Variants in CDH22 observed in about 807,000 individuals in gnomAD.
CDH22 encodes the protein cadherin-22.
Under a neutral mutation model 58.4 loss-of-function variants are expected in CDH22, and 30 were observed. That is an observed-to-expected ratio of 0.51 (90% CI 0.38 to 0.70). CDH22 has a LOEUF of 0.70. CDH22 is among the 30% of genes least tolerant of loss of function. The pLI is 0.00. For missense variants in CDH22, 1,014 were observed against 1,233.9 expected, an observed-to-expected ratio of 0.82 and a Z score of 2.67; for synonymous variants, 513 against 558.2, an observed-to-expected ratio of 0.92 and a Z score of 1.14.
chr20:46,198,592 T>C (rs1232342038), intron 8 of CDH22, among the ~76,000 whole-genome samples: 1 of 152,170 alleles, frequency 6.6e-6, no homozygotes, highest in Admixed American at 6.5e-5. Flanking sequence ...CTCTTCTCAA[T>C]GCAGCTGCCA....
chr20:46,199,766 C>T (rs1260304868), intron 7 of CDH22, among the ~76,000 whole-genome samples: 2 of 152,184 alleles, frequency 1.3e-5, no homozygotes, highest in African/African-American at 4.8e-5. Context: ...ATGGGCAGCC[C>T]TCAACCTTTC....
chr20:46,202,853 G>C (rs2085971938), intron 7 of CDH22, among the ~76,000 whole-genome samples: 1 of 152,218 alleles, frequency 6.6e-6, no homozygotes, highest in African/African-American at 2.4e-5. Flanking sequence ...CTACAGGTTG[G>C]AGGATAGAGG....
At position 46,174,860 on chromosome 20, in the gene CDH22, G is replaced by T; in HGVS notation, c.2133C>A (p.Gly711=). The part of the protein sequence containing the change: ...DGGGSAGGGA[G]GGSGGGAGSP... ...TGCCCGCGCCCCCGCCCGAGCCCCC[G>T]CCCGCTCCCCCGCCCGCGCTGCCGC... is the stretch of plus-strand genomic sequence containing the variant. Residue 711 remains glycine, a synonymous_variant, in exon 12 of 12, where the codon GGC becomes GGA. Transcript: ENST00000537909. This position sits in a 1 kb window ranked among gnomAD's most constrained non-coding sequence, Gnocchi z 4.4. The T allele has an allele frequency of 8.1e-6, 2 of 248,432 alleles. No individual in the cohort carries two copies. Among genetic ancestry groups the T allele is most frequent in the Non-Finnish European group, 6.1e-6 (1 of 164,412 alleles). The allele number at this position is 248,432 out of a possible 1,614,324, so 15.4% of individuals were successfully genotyped here.
At chr20:46,178,345 C>A in intron 10 of CDH22, 148 bp from the exon 11 acceptor site, 2 of 848,756 alleles carry the variant, frequency 2.4e-6, no homozygotes, top group Non-Finnish European at 3.6e-6. Flanking sequence ...TCTCTGATCT[C>A]CCAAAATTCT....
chr20:46,245,705 T>G lies in CDH22; in HGVS notation c.256-4448A>C, dbSNP rs146873977. Among the ~76,000 whole-genome samples, 147 of 152,336 alleles carry G rather than the reference T, an allele frequency of 9.6e-4. 1 individual carries two copies. In the East Asian group the frequency reaches 0.026, roughly 27 times the overall value. ...CAGTCATCAGACTCCCCCAGTTGTC[T>G]TCTAGGATTTCTGGAGGATTCAGCC... On this transcript the variant is annotated intron_variant, in intron 2 of 11. Coordinates refer to ENST00000537909, the MANE Select transcript of CDH22 (RefSeq NM_021248.3).
intron 3 of CDH22, among the ~76,000 whole-genome samples, chr20:46,234,014 C>T (rs1279174193): frequency 6.6e-6 from 1 of 152,222 alleles, no homozygotes; most frequent in Non-Finnish European, 1.5e-5. Flanking sequence ...CTGCTGCTGC[C>T]CTCTCCAAAT....
intron 1 of CDH22, among the ~76,000 whole-genome samples, chr20:46,294,688 C>G (rs1481602819): frequency 1.3e-5 from 2 of 152,174 alleles, no homozygotes; most frequent in African/African-American, 2.4e-5. Context: ...AGGGCTCCCC[C>G]CAACCTCTGC....
At position 46,213,059 on chromosome 20, in the gene CDH22, C is replaced by T; in HGVS notation, c.968G>A (p.Gly323Asp). Residue 323 changes from glycine (G) to aspartate (D), a missense_variant, in exon 6 of 12, where the codon GGC becomes GAC. Coordinates refer to ENST00000537909, the MANE Select transcript of CDH22 (RefSeq NM_021248.3). ...TYHLKDESSS[G>D]GDVFKVTTDS... ...TGTGGTGACCTTGAACACATCGCCG[C>T]CGCTGCTGCTCTCGTCCTTAAGGTG... 6.2e-7 allele frequency: 1 copy of T among 1,614,230 alleles called. No homozygotes were observed.
intron 7 of CDH22, among the ~76,000 whole-genome samples, chr20:46,204,263 A>C (rs1033549536): frequency 1.3e-5 from 2 of 151,900 alleles, no homozygotes; most frequent in Admixed American, 6.6e-5. Context: ...GTGTGGTGGC[A>C]TGTGCCTGTA....
intron 3 of CDH22, among the ~76,000 whole-genome samples, chr20:46,230,711 C>A (rs939510297): frequency 6.6e-6 from 1 of 152,044 alleles, no homozygotes; most frequent in African/African-American, 2.4e-5. Context: ...AATATTTTCA[C>A]TTTAAAGAGG....
intron 8 of CDH22, among the ~76,000 whole-genome samples, chr20:46,189,573 C>A (rs1292117323): frequency 2.0e-5 from 3 of 152,154 alleles, no homozygotes; most frequent in African/African-American, 7.2e-5. Flanking sequence ...GAGTGATCCG[C>A]TCCTGGATGC....
Position 46,178,215 on chromosome 20 carries a change from G to T in CDH22, c.1664-18C>A, listed in dbSNP as rs1241994987. The stretch of plus-strand genomic sequence containing the variant: ...GGTGTTGTCTGTTCCGGAAGAAGGG[G>T]GAGCGGTGTGACTTGGGGCCGGGGG... On this transcript the variant is annotated intron_variant, in intron 10 of 11. Transcript: ENST00000537909. 3.0e-5 allele frequency: 48 copies of T among 1,603,540 alleles called. No homozygotes were observed. The highest frequency in any genetic ancestry group is 3.8e-5 in the Non-Finnish European group (45 of 1,172,328).
chr20:46,223,485 CT>C (rs1251482966), intron 4 of CDH22, among the ~76,000 whole-genome samples: 3 of 152,206 alleles, frequency 2.0e-5, no homozygotes, highest in Admixed American at 6.5e-5. Flanking sequence ...AGGCTGAGCA[CT>C]TTACATACTT....
chr20:46,274,859 A>G (rs1473794428), intron 1 of CDH22, among the ~76,000 whole-genome samples: 1 of 151,188 alleles, frequency 6.6e-6, no homozygotes, highest in African/African-American at 2.4e-5. Context: ...CATATATTGT[A>G]TGCCTTTGCT....
intron 1 of CDH22, among the ~76,000 whole-genome samples, chr20:46,258,927 C>T (rs112645510): frequency 1.3e-4 from 20 of 152,318 alleles, no homozygotes; most frequent in African/African-American, 4.6e-4. Flanking sequence ...GCTAGGGTGA[C>T]AGGGTTGGGT....
At position 46,241,641 on chromosome 20, in the gene CDH22, G is replaced by T. The variant is rs1485957381; in HGVS notation, c.256-384C>A. 6.6e-6 allele frequency among the ~76,000 whole-genome samples: 1 copy of T among 152,132 alleles called. No individual in the cohort carries two copies. The highest frequency in any genetic ancestry group is 1.5e-5 in the Non-Finnish European group (1 of 68,030). On this transcript the variant is annotated intron_variant, in intron 2 of 11. Coordinates refer to ENST00000537909, the MANE Select transcript of CDH22 (RefSeq NM_021248.3). This position sits in a 1 kb window ranked among gnomAD's most constrained non-coding sequence, Gnocchi z 5.2. ...CACAGCTCTGAGGCTTCTGCCTTGAGCCCTGTCCTTGTTTCTCTGCCCATG... is the reference window on the plus strand; with the variant it reads ...CACAGCTCTGAGGCTTCTGCCTTGATCCCTGTCCTTGTTTCTCTGCCCATG...
chr20:46,288,723 GTCTT>G (rs2086587025), intron 1 of CDH22, among the ~76,000 whole-genome samples: 1 of 152,158 alleles, frequency 6.6e-6, no homozygotes, highest in African/African-American at 2.4e-5. Flanking sequence ...CTTGAAGTCA[GTCTT>G]GACTTCACAC....
chr20:46,222,318 C>G (rs2086132610), intron 4 of CDH22, among the ~76,000 whole-genome samples: 1 of 152,186 alleles, frequency 6.6e-6, no homozygotes, highest in African/African-American at 2.4e-5. Flanking sequence ...GACTGGCTGA[C>G]TCCCAGTGCC....
intron 1 of CDH22, among the ~76,000 whole-genome samples, chr20:46,282,202 A>G (rs1259867225): frequency 6.6e-6 from 1 of 152,248 alleles, no homozygotes; most frequent in Non-Finnish European, 1.5e-5. Context: ...TGGTGGTAGA[A>G]CAGGATAGAC....
Sources: allele counts gnomAD v4.1 joint callset (sites outside exome capture counted in the v4.1 genomes callset), GRCh38; gene constraint gnomAD v4.1.1; non-coding constraint Gnocchi (gnomAD v3.1); transcripts MANE v1.5; gene names NCBI Gene and HGNC (gene_info 2026-07-23, HGNC 2026-07-21).